Variants in MAP4K4 observed in about 807,000 individuals in gnomAD.
MAP4K4 encodes the protein mitogen-activated protein kinase kinase kinase kinase 4.
In MAP4K4, 38 loss-of-function variants were observed where a neutral mutation model predicts 189.6. The observed-to-expected ratio is 0.20, with a 90% CI of 0.15 to 0.26. The LOEUF (loss-of-function observed/expected upper bound fraction) is 0.26. Ranked by LOEUF, MAP4K4 falls within the 10% of genes least tolerant of loss-of-function variation. The probability of loss-of-function intolerance (pLI) is 1.00; values close to 1 mark genes in which losing one functional copy is unlikely to be tolerated. For missense variants in MAP4K4, 1,054 were observed against 1,726.9 expected (o/e 0.61, Z 6.91); for synonymous variants, 610 against 624.3 (o/e 0.98, Z 0.34).
chr2:101,736,700 G>T (rs2060391609), intron 2 of MAP4K4, among the ~76,000 whole-genome samples: 1 of 152,080 alleles, frequency 6.6e-6, no homozygotes, highest in South Asian at 2.1e-4. Flanking sequence ...TGCCCTTTAG[G>T]ACCCTGTTCT....
intron 3 of MAP4K4, among the ~76,000 whole-genome samples, chr2:101,796,960 A>G (rs2148904107): frequency 6.6e-6 from 1 of 152,328 alleles, no homozygotes; most frequent in African/African-American, 2.4e-5. Context: ...GCTAAGCAAT[A>G]TATGTCACTT....
intron 2 of MAP4K4, among the ~76,000 whole-genome samples, chr2:101,747,576 G>C (rs763021944): frequency 1.6e-4 from 24 of 152,146 alleles, no homozygotes; most frequent in Admixed American, 3.3e-4. Flanking sequence ...TCTAATTAGA[G>C]AAGATCTGCA....
chr2:101,698,171 GGGCAGCC>G (rs572189095), intron 1 of MAP4K4, 34 bp downstream of exon 1: 58 of 959,404 alleles, frequency 6.0e-5, no homozygotes, highest in Middle Eastern at 3.0e-4. Context: ...CGCGGGGAGC[GGGCAGCC>G]GGCAGCCGGC....
chr2:101,780,293 G>A (rs1427036148), intron 2 of MAP4K4, among the ~76,000 whole-genome samples: 6 of 152,154 alleles, frequency 3.9e-5, no homozygotes, highest in Non-Finnish European at 5.9e-5. Flanking sequence ...ATTTGTGTAT[G>A]AAACTTTCAA....
chr2:101,777,052 G>A (rs1575379695), intron 2 of MAP4K4, among the ~76,000 whole-genome samples: 2 of 152,150 alleles, frequency 1.3e-5, no homozygotes, highest in East Asian at 3.8e-4. Flanking sequence ...TTAACAATGA[G>A]TAGAAAGTCA....
intron 2 of MAP4K4, among the ~76,000 whole-genome samples, chr2:101,760,690 ACT>A (rs2075984982): frequency 1.3e-5 from 2 of 151,802 alleles, no homozygotes; most frequent in African/African-American, 4.8e-5. Flanking sequence ...GAGGTAAAAT[ACT>A]CTCTGTTAGA....
At chr2:101,837,346 T>C (rs2096788643) in intron 9 of MAP4K4, among the ~76,000 whole-genome samples, 1 of 152,050 alleles carries the variant, frequency 6.6e-6, no homozygotes, top group Non-Finnish European at 1.5e-5. Context: ...TTCTTCATGC[T>C]TCTCCCTGTA....
chr2:101,801,020 CT>C (rs1313856703), intron 3 of MAP4K4, among the ~76,000 whole-genome samples: 1 of 87,146 alleles, frequency 1.1e-5, no homozygotes, highest in Non-Finnish European at 2.1e-5. Flanking sequence ...TTTGTATAAT[CT>C]AAATTGCTGT....
At chr2:101,806,945 C>A (rs1288423117) in intron 3 of MAP4K4, among the ~76,000 whole-genome samples, 1 of 152,152 alleles carries the variant, frequency 6.6e-6, no homozygotes, top group Non-Finnish European at 1.5e-5. Flanking sequence ...TCTCCCTGGG[C>A]CTGGCTGGCC....
intron 3 of MAP4K4, among the ~76,000 whole-genome samples, chr2:101,802,215 A>T (rs4530386): frequency 6.6e-6 from 1 of 152,004 alleles, no homozygotes; most frequent in African/African-American, 2.4e-5. Context: ...ACCCTTGGCT[A>T]CCCCTCTGGT....
At chr2:101,730,036 G>T (rs375556167) in intron 2 of MAP4K4, among the ~76,000 whole-genome samples, 1 of 152,180 alleles carries the variant, frequency 6.6e-6, no homozygotes, top group Non-Finnish European at 1.5e-5. Context: ...AACATCTTCC[G>T]TGGCAGCTAG....
rs529827913 is a variant in MAP4K4 at position 101,738,500 on chromosome 2, A to G, written c.123+39962A>G. 3.5e-4 allele frequency among the ~76,000 whole-genome samples: 54 copies of G among 152,256 alleles called. 1 individual carries two copies. In the South Asian group the frequency reaches 8.1e-3, roughly 23 times the overall value. ...AGTCAGTTTGGGTTGAACAGAATTG[A>G]TAGTTACTGCCTTTGGGAGTCGATT... On this transcript the variant is annotated intron_variant, in intron 2 of 32. Transcript: ENST00000324219.
chr2:101,735,727 A>G (rs1006894597), intron 2 of MAP4K4, among the ~76,000 whole-genome samples: 4 of 152,202 alleles, frequency 2.6e-5, no homozygotes, highest in Non-Finnish European at 5.9e-5. Flanking sequence ...GGTGGGTCCC[A>G]TGGAACAGAA....
At chr2:101,782,584 A>G (rs2088218569) in intron 2 of MAP4K4, among the ~76,000 whole-genome samples, 1 of 152,124 alleles carries the variant, frequency 6.6e-6, no homozygotes, top group African/African-American at 2.4e-5. Context: ...CACATATAGG[A>G]GCCCTCTCAC....
chr2:101,887,666 T>A (rs534235983), intron 30 of MAP4K4, 112 bp from the exon 31 acceptor site: 1 of 738,162 alleles, frequency 1.4e-6, no homozygotes, highest in South Asian at 2.3e-5. Flanking sequence ...ATTGCTGTAT[T>A]TATCTTCAGA....
At chr2:101,732,668 C>A (rs1043816187) in intron 2 of MAP4K4, among the ~76,000 whole-genome samples, 1 of 152,182 alleles carries the variant, frequency 6.6e-6, no homozygotes, top group African/African-American at 2.4e-5. Context: ...CGGCTCACTG[C>A]AATCTCCGCC....
At chr2:101,746,032 A>G (rs2065384888) in intron 2 of MAP4K4, among the ~76,000 whole-genome samples, 1 of 151,504 alleles carries the variant, frequency 6.6e-6, no homozygotes, top group Non-Finnish European at 1.5e-5. Context: ...ACTTTGTCAC[A>G]CAAGCTGGAA....
intron 16 of MAP4K4, among the ~76,000 whole-genome samples, chr2:101,863,535 GA>G (rs963752462): frequency 1.0e-4 from 15 of 149,500 alleles, no homozygotes; most frequent in East Asian, 3.9e-4. Context: ...TCTTTGTGGG[GA>G]AAAAAAAAAT....
At chr2:101,701,671 A>C (rs1297819460) in intron 2 of MAP4K4, among the ~76,000 whole-genome samples, 1 of 152,150 alleles carries the variant, frequency 6.6e-6, no homozygotes, top group Non-Finnish European at 1.5e-5. Flanking sequence ...CTGTTTAGAG[A>C]AATTTATTTT....
Sources: gnomAD v4.1 joint callset for allele counts (sites outside exome capture counted in the v4.1 genomes callset) on GRCh38, gnomAD v4.1.1 for gene constraint, MANE v1.5 for transcripts, NCBI Gene and HGNC (gene_info 2026-07-23, HGNC 2026-07-21) for gene names.